The following KHDRBS2 variants were observed in gnomAD, a reference collection of about 807,000 sequenced individuals.
The protein encoded by KHDRBS2 is KH domain-containing, RNA-binding, signal transduction-associated protein 2.
A neutral mutation model predicts 44.3 loss-of-function variants in KHDRBS2; 26 were observed. The ratio of observed to expected loss-of-function variants is 0.59; its 90% confidence interval spans 0.43 to 0.81. The LOEUF is 0.81. KHDRBS2 is among the 40% of genes least tolerant of loss of function. KHDRBS2 has a pLI of 0.00. For missense variants in KHDRBS2, 476 were observed against 433.1 expected (o/e 1.10, Z -0.88); for synonymous variants, 194 against 151.1 (o/e 1.28, Z -2.08).
chr6:62,108,466 T>C (rs1804085894), intron 2 of KHDRBS2, among the ~76,000 whole-genome samples: 2 of 152,102 alleles, frequency 1.3e-5, no homozygotes, highest in Non-Finnish European at 2.9e-5. Context: ...GGAGAGGATG[T>C]GGAGAAATAG....
chr6:62,070,363 A>C (rs1463492683), intron 2 of KHDRBS2, among the ~76,000 whole-genome samples: 1 of 151,326 alleles, frequency 6.6e-6, no homozygotes, highest in East Asian at 1.9e-4. Context: ...TTATACTTTA[A>C]GTTTTAGGAT....
At chr6:62,226,882 T>C (rs1359844663) in intron 1 of KHDRBS2, among the ~76,000 whole-genome samples, 1 of 152,184 alleles carries the variant, frequency 6.6e-6, no homozygotes, top group Non-Finnish European at 1.5e-5. Context: ...AATTGGTCTG[T>C]ATGTCAGTTT....
intron 4 of KHDRBS2, among the ~76,000 whole-genome samples, chr6:61,917,982 A>T (rs1807333137): frequency 6.6e-6 from 1 of 151,956 alleles, no homozygotes; most frequent in Non-Finnish European, 1.5e-5. Context: ...TCCTCCATAT[A>T]CATTTCTGAT....
intron 2 of KHDRBS2, among the ~76,000 whole-genome samples, chr6:62,171,821 C>T (rs1820074435): frequency 6.6e-6 from 1 of 152,070 alleles, no homozygotes. Context: ...TCATTTCCTA[C>T]CAAAATGAGC....
chr6:61,569,907 G>A, the KHDRBS2 span, among the ~76,000 whole-genome samples: 1 of 152,252 alleles, frequency 6.6e-6, no homozygotes, highest in African/African-American at 2.4e-5. Context: ...TACCCCATGA[G>A]ACAAAAGAAT....
chr6:62,169,159 G>GTGTGTATATA (rs1562991769), intron 2 of KHDRBS2, among the ~76,000 whole-genome samples: 4 of 50,228 alleles, frequency 8.0e-5, no homozygotes, highest in Non-Finnish European at 1.3e-4. Context: ...GTATATATAC[G>GTGTGTATATA]TACACATATA....
intron 4 of KHDRBS2, among the ~76,000 whole-genome samples, chr6:61,968,236 G>A (rs1177945742): frequency 6.6e-6 from 1 of 151,698 alleles, no homozygotes; most frequent in Non-Finnish European, 1.5e-5. Context: ...TTCTTACTGT[G>A]AGAATGACCA....
intron 3 of KHDRBS2, among the ~76,000 whole-genome samples, chr6:62,018,340 T>C (rs1178431848): frequency 7.6e-6 from 1 of 131,530 alleles, no homozygotes; most frequent in Non-Finnish European, 1.6e-5. Context: ...TGTGTGTGTG[T>C]CCTTATTTCC....
intron 3 of KHDRBS2, among the ~76,000 whole-genome samples, chr6:62,025,438 T>C (rs892934622): frequency 6.6e-6 from 1 of 151,842 alleles, no homozygotes; most frequent in African/African-American, 2.4e-5. Flanking sequence ...GAATATACAC[T>C]ATTAACTTAT....
At chr6:61,797,366 T>G (rs1266828901) in intron 6 of KHDRBS2, among the ~76,000 whole-genome samples, 1 of 152,152 alleles carries the variant, frequency 6.6e-6, no homozygotes, top group Non-Finnish European at 1.5e-5. Flanking sequence ...GGTATTTATA[T>G]CTCCATCTTT....
chr6:61,663,756 T>C, the KHDRBS2 span, among the ~76,000 whole-genome samples: 1 of 151,334 alleles, frequency 6.6e-6, no homozygotes, highest in African/African-American at 2.4e-5. Flanking sequence ...AATTAATGTT[T>C]ATGTGCTACT....
rs752242275 is a variant in KHDRBS2, at chr6:62,243,314, CT to C, written c.91+42543del. Among the ~76,000 whole-genome samples, 1,427 of 152,110 alleles carry C rather than the reference CT, an allele frequency of 9.4e-3. 10 individuals are homozygous for C. The highest frequency in any genetic ancestry group is 0.016 in the Non-Finnish European group (1,096 of 67,984). On this transcript the variant is annotated intron_variant, in intron 1 of 8. Coordinates refer to ENST00000281156, the MANE Select transcript of KHDRBS2 (RefSeq NM_152688.4). The stretch of plus-strand genomic sequence containing the variant: ...TGCTTCTATAATGGTCAGTGAACTT[CT>C]TGATAGTGACTGACATGGTGCAGTT...
At chr6:61,881,637 C>T (rs759053391) in intron 6 of KHDRBS2, among the ~76,000 whole-genome samples, 1 of 152,018 alleles carries the variant, frequency 6.6e-6, no homozygotes, top group Non-Finnish European at 1.5e-5. Context: ...CTGGCTTAGA[C>T]ATCTGCTTCA....
intron 2 of KHDRBS2, among the ~76,000 whole-genome samples, chr6:62,105,848 G>T (rs547385708): frequency 9.9e-5 from 15 of 151,730 alleles, no homozygotes; most frequent in Non-Finnish European, 2.1e-4. Context: ...CTTGCTTTTC[G>T]AGTTCTTTTA....
At position 62,096,403 on chromosome 6, in the gene KHDRBS2, A is replaced by G. The variant is rs549624267; in HGVS notation, c.220-48409T>C. On this transcript the variant is annotated intron_variant, in intron 2 of 8. Coordinates refer to ENST00000281156, the MANE Select transcript of KHDRBS2 (RefSeq NM_152688.4). Reference sequence around the variant, plus strand: ...TTTTATTTCTTATTAATTTTCATTCATTTTTGGTCTTATAAGATTATCTAT... The same window carrying G: ...TTTTATTTCTTATTAATTTTCATTCGTTTTTGGTCTTATAAGATTATCTAT... Among the ~76,000 whole-genome samples, 8 of 151,694 alleles carry G rather than the reference A, an allele frequency of 5.3e-5. No homozygotes were observed. The East Asian group carries it at 1.5e-3, about 29-fold the overall frequency.
At chr6:61,608,609 C>T in the KHDRBS2 span, among the ~76,000 whole-genome samples, 2 of 150,664 alleles carry the variant, frequency 1.3e-5, no homozygotes, top group Admixed American at 6.6e-5. Flanking sequence ...CCCCAACAGG[C>T]CCCAGTGTGT....
the KHDRBS2 span, among the ~76,000 whole-genome samples, chr6:61,580,805 A>G: frequency 6.6e-6 from 1 of 152,136 alleles, no homozygotes; most frequent in African/African-American, 2.4e-5. Context: ...CATCTGAAGG[A>G]ACAAACTCTA....
intron 1 of KHDRBS2, among the ~76,000 whole-genome samples, chr6:62,181,156 T>C (rs916236047): frequency 1.3e-5 from 2 of 151,604 alleles, no homozygotes; most frequent in Non-Finnish European, 2.9e-5. Flanking sequence ...TTAGCTATGA[T>C]CACAAAAGCA....
Position 62,286,141 on chromosome 6 carries a change from A to G in KHDRBS2, c.-193T>C, listed in dbSNP as rs1183608200. The G allele has an allele frequency of 1.8e-6, 1 of 567,934 alleles. No homozygotes were observed. Among genetic ancestry groups the G allele is most frequent in the African/African-American group, 2.0e-5 (1 of 49,936 alleles). The allele number at this position is 567,934 out of a possible 1,614,324, so 35.2% of individuals were successfully genotyped here. On this transcript the variant is annotated 5_prime_UTR_variant, in exon 1 of 9. Coordinates refer to ENST00000281156, the MANE Select transcript of KHDRBS2 (RefSeq NM_152688.4). ...TCGGGCTGCGTGGCCCCGCGCCCAC[A>G]CCTGCCCGTCCCTTCCGTCGTCCCT...
Sources: allele counts gnomAD v4.1 joint callset (sites outside exome capture counted in the v4.1 genomes callset), GRCh38; gene constraint gnomAD v4.1.1; transcripts MANE v1.5; gene names NCBI Gene and HGNC (gene_info 2026-07-23, HGNC 2026-07-21).